The following TSHR variants were observed in gnomAD, a reference collection of about 807,000 sequenced individuals.
The protein encoded by TSHR is thyrotropin receptor.
In TSHR, 51 loss-of-function variants were observed where a neutral mutation model predicts 64.1. That is an observed-to-expected ratio of 0.80 (90% CI 0.64 to 1.01). TSHR has a LOEUF of 1.01. Among genes scored for constraint, TSHR ranks in the 50% least tolerant of loss-of-function variants. TSHR has a pLI of 0.00. For synonymous variants in TSHR, 361 were observed against 361.9 expected (o/e 1.00, Z 0.03); for missense variants, 877 against 942.8 (o/e 0.93, Z 0.91).
chr14:81,055,696 AC>A (rs1383706881), intron 1 of TSHR, among the ~76,000 whole-genome samples: 3 of 152,140 alleles, frequency 2.0e-5, no homozygotes, highest in South Asian at 2.1e-4. Context: ...AGACTTGCTG[AC>A]TTTTTGGACT....
At chr14:80,986,331 G>C (rs1888445105) in intron 1 of TSHR, among the ~76,000 whole-genome samples, 1 of 152,138 alleles carries the variant, frequency 6.6e-6, no homozygotes, top group Non-Finnish European at 1.5e-5. Flanking sequence ...GATAGAGATA[G>C]AGATAGATCC....
chr14:81,133,285 G>A (rs1402297508), intron 8 of TSHR, among the ~76,000 whole-genome samples: 1 of 152,198 alleles, frequency 6.6e-6, no homozygotes, highest in Non-Finnish European at 1.5e-5. Flanking sequence ...GAAGACAGGT[G>A]AGAGCCCATC....
chr14:81,017,153 T>G (rs1488016091), intron 1 of TSHR, among the ~76,000 whole-genome samples: 1 of 152,254 alleles, frequency 6.6e-6, no homozygotes, highest in Non-Finnish European at 1.5e-5. Context: ...ATAACTCCCA[T>G]GCTTAGCGTT....
chr14:81,011,020 T>C (rs964873423), intron 1 of TSHR, among the ~76,000 whole-genome samples: 5 of 152,230 alleles, frequency 3.3e-5, no homozygotes, highest in Non-Finnish European at 1.5e-5. Context: ...ACTGTTCTTG[T>C]ATCTTACTGT....
chr14:81,073,285 T>C (rs1030783548), intron 3 of TSHR, among the ~76,000 whole-genome samples: 1 of 151,664 alleles, frequency 6.6e-6, no homozygotes, highest in East Asian at 1.9e-4. Context: ...TAATATAGTT[T>C]TATCAATAAT....
In TSHR at chr14:80,996,947, T is replaced by C. The variant is rs140767919; in HGVS notation, c.170+41097T>C. ...AAATCATTAAGCTACTGAATGTCAG[T>C]TTCTTCAACAGTAAAGAAGACACAT... On this transcript the variant is annotated intron_variant, in intron 1 of 9. Coordinates refer to ENST00000298171, the MANE Select transcript of TSHR (RefSeq NM_000369.5). 2.6e-3 allele frequency among the ~76,000 whole-genome samples: 399 copies of C among 152,240 alleles called. 1 individual carries two copies. Among genetic ancestry groups the C allele is most frequent in the African/African-American group, 9.2e-3 (383 of 41,528 alleles).
chr14:80,975,485 G>A (rs139610077), intron 1 of TSHR, among the ~76,000 whole-genome samples: 26 of 152,058 alleles, frequency 1.7e-4, no homozygotes, highest in Admixed American at 5.9e-4. Flanking sequence ...ACTCCAATAC[G>A]TTCTCACATT....
chr14:81,126,211 G>C (rs953401580), intron 8 of TSHR, among the ~76,000 whole-genome samples: 1 of 152,198 alleles, frequency 6.6e-6, no homozygotes, highest in Non-Finnish European at 1.5e-5. Flanking sequence ...TTGCAGAGCA[G>C]TCCCCAACTA....
In TSHR at chr14:81,068,309, T is replaced by C. The variant is rs922054451; in HGVS notation, c.298T>C (p.Leu100=). The change falls in exon 3 of 10, where the codon TTG becomes CTG. Residue 100 remains leucine, a synonymous_variant. Coordinates refer to ENST00000298171, the MANE Select transcript of TSHR (RefSeq NM_000369.5). ...GCTGGAATCACACTCCTTCTACAATTTGAGTAAAGTGACTCACATGTAAGT... is the reference window on the plus strand; with the variant it reads ...GCTGGAATCACACTCCTTCTACAATCTGAGTAAAGTGACTCACATGTAAGT... ...QQLESHSFYN[L]SKVTHIEIRN... 1.2e-6 allele frequency: 2 copies of C among 1,613,064 alleles called. No homozygotes were observed. Among genetic ancestry groups the C allele is most frequent in the Non-Finnish European group, 1.7e-6 (2 of 1,179,348 alleles).
chr14:81,044,740 CA>C, intron 1 of TSHR, among the ~76,000 whole-genome samples: 1 of 150,464 alleles, frequency 6.6e-6, no homozygotes, highest in East Asian at 1.9e-4. Flanking sequence ...ACTAAAAAGT[CA>C]AAAAACAACA....
intron 1 of TSHR, among the ~76,000 whole-genome samples, chr14:81,059,133 A>G (rs772305585): frequency 1.5e-4 from 23 of 152,200 alleles, no homozygotes; most frequent in Non-Finnish European, 3.1e-4. Flanking sequence ...GTAAGGTTGA[A>G]CTATTAGGGA....
intron 1 of TSHR, among the ~76,000 whole-genome samples, chr14:80,972,519 C>T (rs1249019751): frequency 6.6e-6 from 1 of 152,130 alleles, no homozygotes. Flanking sequence ...ACTCTAAACC[C>T]AAAGCTCCTT....
At chr14:80,999,935 C>CTTTTTTTTT (rs557662208) in intron 1 of TSHR, among the ~76,000 whole-genome samples, 3 of 136,352 alleles carry the variant, frequency 2.2e-5, no homozygotes, top group African/African-American at 5.4e-5. Flanking sequence ...TCTTTTTTTT[C>CTTTTTTTTT]TTTTTTTTTT....
intron 3 of TSHR, among the ~76,000 whole-genome samples, chr14:81,083,496 G>A (rs1350064744): frequency 2.0e-5 from 3 of 150,618 alleles, no homozygotes; most frequent in Admixed American, 2.0e-4. Context: ...TGTATTTGAA[G>A]TCATAAGTCC....
intron 1 of TSHR, among the ~76,000 whole-genome samples, chr14:81,000,264 T>TAATACCACCCCAGAAATCAGCTGC (rs71103893): frequency 2.0e-5 from 3 of 151,808 alleles, no homozygotes; most frequent in Admixed American, 1.3e-4. Context: ...ACTGACATTG[T>TAATACCACCCCAGAAATCAGCTGC]AAACCAGAAT....
chr14:80,964,904 A>C (rs1002563696), intron 1 of TSHR, among the ~76,000 whole-genome samples: 3 of 152,238 alleles, frequency 2.0e-5, no homozygotes, highest in South Asian at 4.1e-4. Flanking sequence ...TTACTACTTG[A>C]GACCGTCACT....
chr14:81,063,382 T>G (rs957565394), intron 2 of TSHR, among the ~76,000 whole-genome samples: 5 of 152,150 alleles, frequency 3.3e-5, no homozygotes, highest in African/African-American at 1.2e-4. Context: ...TCCCATTCCT[T>G]GGGCTGCACT....
chr14:81,007,776 T>G (rs1297920265), intron 1 of TSHR, among the ~76,000 whole-genome samples: 1 of 152,088 alleles, frequency 6.6e-6, no homozygotes, highest in Non-Finnish European at 1.5e-5. Context: ...GTTTGTTCCT[T>G]ATAATCAATG....
At chr14:80,962,860 G>A (rs1333897271) in intron 1 of TSHR, among the ~76,000 whole-genome samples, 1 of 152,190 alleles carries the variant, frequency 6.6e-6, no homozygotes, top group African/African-American at 2.4e-5. Context: ...CTAGAAAGGT[G>A]TAAAATAATT....
Sources: gnomAD v4.1 joint callset for allele counts (sites outside exome capture counted in the v4.1 genomes callset) on GRCh38, gnomAD v4.1.1 for gene constraint, MANE v1.5 for transcripts, NCBI Gene and HGNC (gene_info 2026-07-23, HGNC 2026-07-21) for gene names.